The following KLHL32 variants were observed in gnomAD, a reference collection of about 807,000 sequenced individuals.
KLHL32 encodes kelch like family member 32, also known as kelch-like protein 32.
Under a neutral mutation model 64.8 loss-of-function variants are expected in KLHL32, and 35 were observed. The observed-to-expected ratio is 0.54, with a 90% CI of 0.41 to 0.72. The LOEUF (loss-of-function observed/expected upper bound fraction) is 0.72. KLHL32 is among the 30% of genes least tolerant of loss of function. The probability of loss-of-function intolerance (pLI) is 0.00; values close to 1 mark genes in which losing one functional copy is unlikely to be tolerated. For missense variants in KLHL32, 589 were observed against 768.5 expected, an observed-to-expected ratio of 0.77 and a Z score of 2.76; for synonymous variants, 259 against 281.0, an observed-to-expected ratio of 0.92 and a Z score of 0.78.
intron 6 of KLHL32, among the ~76,000 whole-genome samples, chr6:97,093,756 C>T (rs368345864): frequency 6.6e-6 from 1 of 152,124 alleles, no homozygotes; most frequent in Non-Finnish European, 1.5e-5. Context: ...AGAATTCTGG[C>T]AGAGGGAGGG....
At chr6:97,119,586 T>C (rs1469210095) in intron 7 of KLHL32, among the ~76,000 whole-genome samples, 1 of 152,190 alleles carries the variant, frequency 6.6e-6, no homozygotes, top group Non-Finnish European at 1.5e-5. Flanking sequence ...TAAGGTATGA[T>C]TGAAAAGTGA....
At chr6:97,116,758 C>A in intron 7 of KLHL32, among the ~76,000 whole-genome samples, 1 of 152,312 alleles carries the variant, frequency 6.6e-6, no homozygotes, top group African/African-American at 2.4e-5. Flanking sequence ...GCTGACTTCC[C>A]TTTCAATATG....
intron 1 of KLHL32, among the ~76,000 whole-genome samples, chr6:96,945,240 G>A (rs968834350): frequency 6.6e-6 from 1 of 152,200 alleles, no homozygotes; most frequent in Non-Finnish European, 1.5e-5. Flanking sequence ...ATTGTGGATA[G>A]TGCATGGCAG....
intron 6 of KLHL32, among the ~76,000 whole-genome samples, chr6:97,111,266 C>G (rs1354148524): frequency 6.6e-6 from 1 of 152,240 alleles, no homozygotes; most frequent in Non-Finnish European, 1.5e-5. Context: ...AGAGGCATAG[C>G]TCAGAAGAAA....
intron 5 of KLHL32, among the ~76,000 whole-genome samples, chr6:97,074,970 C>G (rs1038523455): frequency 6.6e-6 from 1 of 151,996 alleles, no homozygotes; most frequent in Non-Finnish European, 1.5e-5. Context: ...TTTTGCAGCA[C>G]GTAGTGACTG....
intron 3 of KLHL32, among the ~76,000 whole-genome samples, chr6:97,023,551 A>T (rs1476278632): frequency 6.6e-6 from 1 of 152,182 alleles, no homozygotes. Context: ...GGCATTACTG[A>T]TGCTGAGATT....
chr6:97,033,734 A>T (rs1185954691), intron 3 of KLHL32, among the ~76,000 whole-genome samples: 1 of 151,754 alleles, frequency 6.6e-6, no homozygotes, highest in Non-Finnish European at 1.5e-5. Context: ...GTGTGAGGAG[A>T]CCCCTCATTG....
At chr6:96,965,792 A>G (rs1452341874) in intron 1 of KLHL32, among the ~76,000 whole-genome samples, 1 of 152,248 alleles carries the variant, frequency 6.6e-6, no homozygotes, top group Non-Finnish European at 1.5e-5. Flanking sequence ...CAATTAAAAA[A>G]TGACACTCAC....
At chr6:97,068,208 C>A (rs577375412) in intron 5 of KLHL32, among the ~76,000 whole-genome samples, 2 of 152,214 alleles carry the variant, frequency 1.3e-5, no homozygotes, top group South Asian at 4.2e-4. Context: ...TTTTGTATCA[C>A]CTTGCCCAAG....
intron 3 of KLHL32, among the ~76,000 whole-genome samples, chr6:97,023,089 G>T (rs527405616): frequency 1.3e-5 from 2 of 152,238 alleles, no homozygotes; most frequent in African/African-American, 2.4e-5. Flanking sequence ...CTCCCACCAG[G>T]TCTCTCCCTT....
intron 1 of KLHL32, among the ~76,000 whole-genome samples, chr6:96,950,684 G>A (rs919435202): frequency 2.6e-5 from 4 of 152,134 alleles, no homozygotes; most frequent in Non-Finnish European, 5.9e-5. Context: ...ATTCAACCTG[G>A]CCAGATGTAT....
chr6:97,124,974 T>C (rs1460250242), intron 7 of KLHL32, among the ~76,000 whole-genome samples: 1 of 152,198 alleles, frequency 6.6e-6, no homozygotes, highest in African/African-American at 2.4e-5. Flanking sequence ...CAGCCTCAGC[T>C]TTCTTAAGTG....
chr6:96,945,465 G>T (rs948365628), intron 1 of KLHL32, among the ~76,000 whole-genome samples: 2 of 152,218 alleles, frequency 1.3e-5, no homozygotes, highest in African/African-American at 4.8e-5. Flanking sequence ...AGCCCAGTGG[G>T]CCAGCGTCAG....
intron 3 of KLHL32, among the ~76,000 whole-genome samples, chr6:97,007,552 G>T (rs1195359853): frequency 6.6e-6 from 1 of 152,198 alleles, no homozygotes; most frequent in Admixed American, 6.5e-5. Flanking sequence ...AAGGTAGGAA[G>T]ACCCTCTGGT....
intron 3 of KLHL32, among the ~76,000 whole-genome samples, chr6:97,001,845 G>C (rs1019694960): frequency 6.6e-6 from 1 of 152,160 alleles, no homozygotes; most frequent in Non-Finnish European, 1.5e-5. Flanking sequence ...TGGCTCTTTT[G>C]TTAAAGGTTG....
At chr6:97,060,665 C>T (rs1446806870) in intron 4 of KLHL32, among the ~76,000 whole-genome samples, 2 of 152,188 alleles carry the variant, frequency 1.3e-5, no homozygotes, top group Non-Finnish European at 2.9e-5. Context: ...CTCCTGTCTG[C>T]TACCAACCCT....
At chr6:97,064,811 T>C in intron 5 of KLHL32, 85 bp downstream of exon 5, 1 of 1,127,306 alleles carries the variant, frequency 8.9e-7, no homozygotes. Context: ...TGGAGCTGAA[T>C]GACAGGTAAA....
In KLHL32 at chr6:97,114,199, G is replaced by C. The variant is rs1390198939; in HGVS notation, c.1044G>C (p.Leu348=). The change falls in exon 7 of 11, where the codon CTG becomes CTC. Residue 348 remains leucine (L), a synonymous_variant. Coordinates refer to ENST00000369261, the MANE Select transcript of KLHL32 (RefSeq NM_052904.4). ...HHCVAVMGDF[L]FVAGGEVEHA... Reference sequence around the variant, plus strand: ...GTGTGGCAGTCATGGGGGACTTCCTGTTTGTGGCAGGAGGGGAAGTTGAGC... The same window carrying C: ...GTGTGGCAGTCATGGGGGACTTCCTCTTTGTGGCAGGAGGGGAAGTTGAGC... The C allele has an allele frequency of 1.2e-6, 2 of 1,614,170 alleles. No homozygotes were observed. The highest frequency in any genetic ancestry group is 1.6e-4 in the Middle Eastern group (1 of 6,062).
At chr6:96,989,732 A>T (rs1009911208) in intron 3 of KLHL32, among the ~76,000 whole-genome samples, 1 of 152,080 alleles carries the variant, frequency 6.6e-6, no homozygotes, top group African/African-American at 2.4e-5. Flanking sequence ...TCTTCCAGGG[A>T]TACCAATTTG....
Sources: allele counts gnomAD v4.1 joint callset (sites outside exome capture counted in the v4.1 genomes callset), GRCh38; gene constraint gnomAD v4.1.1; transcripts MANE v1.5; gene names NCBI Gene and HGNC (gene_info 2026-07-23, HGNC 2026-07-21).